The following PRDM8 variants were observed in gnomAD, a reference collection of about 807,000 sequenced individuals.
PRDM8 encodes PR domain zinc finger protein 8.
PRDM8 carries 13 observed loss-of-function variants against 46.5 expected under a neutral mutation model. The ratio of observed to expected loss-of-function variants is 0.28; its 90% CI spans 0.18 to 0.44. PRDM8 has a LOEUF of 0.44. Among genes scored for constraint, PRDM8 ranks in the 20% least tolerant of loss-of-function variants. The pLI is 1.00. For missense variants in PRDM8, 998 were observed against 955.0 expected, an observed-to-expected ratio of 1.04 and a Z score of -0.59; for synonymous variants, 473 against 438.4, an observed-to-expected ratio of 1.08 and a Z score of -0.98.
rs1737543089 is a variant in PRDM8, at chr4:80,191,506, C to T, written c.-948C>T. The T allele has an allele frequency of 2.0e-5, 3 of 152,256 alleles. No individual in the cohort carries two copies. In the South Asian group the frequency reaches 6.2e-4, roughly 32 times the overall value. 9.4% of individuals were successfully genotyped at this position (152,256 alleles called of 1,614,324 possible). ...AATCAGCCTGGGAAGCATCTTTTCG[C>T]TCAGCAAGTTCAAGAGAACAAATAT... On this transcript the variant is annotated 5_prime_UTR_variant, in exon 2 of 10. Transcript: ENST00000339711.
Position 80,203,085 on chromosome 4 carries a change from C to T in PRDM8, c.1623C>T (p.Ala541=), listed in dbSNP as rs1353391421. The change falls in exon 4 of 4, where the codon GCC becomes GCT. Residue 541 remains alanine, a synonymous_variant. Coordinates refer to ENST00000415738, the MANE Select transcript of PRDM8 (RefSeq NM_001099403.2). ...GCCCCACCAGACTCTATCCCGCCGC[C>T]GCGGACCCTCTAGCGGTGAAGCTCC... ...GVGPTRLYPA[A]ADPLAVKLQG... is the part of the protein sequence containing the mutation. The T allele has an allele frequency of 1.9e-6, 3 of 1,569,672 alleles. No individual in the cohort carries two copies. Among genetic ancestry groups the T allele is most frequent in the Non-Finnish European group, 2.6e-6 (3 of 1,167,054 alleles).
chr4:80,196,711 AG>A (rs528071663), upstream of PRDM8: 6 of 911,734 alleles, frequency 6.6e-6, no homozygotes, highest in African/African-American at 5.4e-5. Context: ...CACCAAGCAG[AG>A]GGGGGGAAAA....
At chr4:80,199,709 ATGTGTGTGTG>A (rs34334135) in intron 1 of PRDM8, among the ~76,000 whole-genome samples, 2 of 132,976 alleles carry the variant, frequency 1.5e-5, no homozygotes, top group Non-Finnish European at 3.2e-5. Flanking sequence ...ATATATATAT[ATGTGTGTGTG>A]TGTGTGTGTG....
chr4:80,195,928 C>CACACAGAGAGAGAGAGAGAGAGAGAGAG (rs373592223), upstream of PRDM8: 12 of 139,974 alleles, frequency 8.6e-5, no homozygotes, highest in Non-Finnish European at 1.4e-4. Context: ...CACACACACA[C>CACACAGAGAGAGAGAGAGAGAGAGAGAG]AGAGAGAGAG....
rs568097608 is a variant in PRDM8, at chr4:80,188,772, C to T, written c.-982-2700C>T. ...GAAAACGTAAAGCTCCCGTTCAGGG[C>T]TGCTCCTGCGCGGAAGCTGCGTGGG... On this transcript the variant is annotated intron_variant, in intron 1 of 9. Coordinates refer to the PRDM8 transcript ENST00000339711. Among the ~76,000 whole-genome samples the T allele has an allele frequency of 6.6e-5, 10 of 152,354 alleles. No individual in the cohort carries two copies. In the East Asian group the frequency reaches 1.5e-3, roughly 24 times the overall value.
upstream of PRDM8, chr4:80,196,931 T>C (rs1738005662): frequency 1.0e-6 from 1 of 985,312 alleles, no homozygotes. Flanking sequence ...AGCCAAGTTC[T>C]CACCAAAGCG....
At chr4:80,194,307 G>T, upstream of PRDM8, 1 of 799,364 alleles carries the variant, frequency 1.3e-6, no homozygotes, top group Non-Finnish European at 1.5e-6. Flanking sequence ...CTAGGGAAGA[G>T]AGCTCCAAAT....
chr4:80,197,076 T>C (rs576645437), upstream of PRDM8: 6 of 985,452 alleles, frequency 6.1e-6, no homozygotes, highest in East Asian at 6.8e-4. Flanking sequence ...TCCCTGGAGC[T>C]AACCGCACCC....
chr4:80,190,698 A>G (rs2109865339), intron 1 of PRDM8, among the ~76,000 whole-genome samples: 1 of 152,340 alleles, frequency 6.6e-6, no homozygotes, highest in South Asian at 2.1e-4. Context: ...GACAATCTAG[A>G]CATCAGGAAG....
chr4:80,194,255 C>T, upstream of PRDM8: 1 of 961,376 alleles, frequency 1.0e-6, no homozygotes, highest in Non-Finnish European at 1.2e-6. Context: ...CATACCCACT[C>T]TTCATTGTCA....
upstream of PRDM8, among the ~76,000 whole-genome samples, chr4:80,192,602 G>T (rs572956041): frequency 6.6e-6 from 1 of 152,304 alleles, no homozygotes; most frequent in Non-Finnish European, 1.5e-5. Context: ...ACTGAGATGC[G>T]TTCAAAGGGT....
chr4:80,197,789 AGG>A, intron 1 of PRDM8, 26 bp downstream of exon 1: 1 of 985,084 alleles, frequency 1.0e-6, no homozygotes, highest in Non-Finnish European at 1.2e-6. Flanking sequence ...TTGATGTGGG[AGG>A]GGGATGGGAG....
At chr4:80,198,994 G>GTTTTTTTTT (rs1310531623) in intron 1 of PRDM8, among the ~76,000 whole-genome samples, 54 of 63,414 alleles carry the variant, frequency 8.5e-4, no homozygotes, top group African/African-American at 5.2e-3. Flanking sequence ...TTTTTTTTTT[G>GTTTTTTTTT]TTTTTTTTTT....
chr4:80,202,171 C>G lies in PRDM8; in HGVS notation c.709C>G (p.Pro237Ala), dbSNP rs1465346303. The G allele has an allele frequency of 6.2e-7, 1 of 1,611,406 alleles. No homozygotes were observed. Among genetic ancestry groups the G allele is most frequent in the Non-Finnish European group, 8.5e-7 (1 of 1,179,644 alleles). The change falls in exon 4 of 4, where the codon CCA becomes GCA. Residue 237 changes from proline to alanine, a missense_variant. By Grantham distance (27) the Pro-to-Ala change is conservative. Transcript: ENST00000415738. ...FCKAGPLHHY[P>A]SPSPESSNPS... is the part of the protein sequence containing the mutation. Reference sequence around the variant, plus strand: ...CAAAGCCGGCCCCCTCCACCACTACCCATCCCCCTCCCCGGAAAGCAGCAA... The same window carrying G: ...CAAAGCCGGCCCCCTCCACCACTACGCATCCCCCTCCCCGGAAAGCAGCAA...
rs930461579 is a variant in PRDM8, at chr4:80,202,324, G to A, written c.862G>A (p.Gly288Ser). 5.0e-6 allele frequency: 8 copies of A among 1,607,304 alleles called. No homozygotes were observed. The highest frequency in any genetic ancestry group is 3.4e-5 in the Admixed American group (2 of 59,598). ...SPAQSLSSGS[G>S]SGGGGGHQEA... The stretch of plus-strand genomic sequence containing the variant: ...AGCCCAGAGCCTCAGCAGCGGTAGC[G>A]GCAGCGGCGGCGGCGGCGGCCACCA... Residue 288 changes from glycine (G) to serine (S), a missense_variant, in exon 4 of 4, where the codon GGC becomes AGC. Transcript: ENST00000415738.
chr4:80,191,199 C>A (rs1437726939), intron 1 of PRDM8, among the ~76,000 whole-genome samples: 1 of 152,172 alleles, frequency 6.6e-6, no homozygotes, highest in African/African-American at 2.4e-5. Flanking sequence ...CTGCCTTTGA[C>A]AACATTCACC....
upstream of PRDM8, among the ~76,000 whole-genome samples, chr4:80,195,533 T>G (rs1027585512): frequency 4.0e-5 from 6 of 150,458 alleles, no homozygotes; most frequent in African/African-American, 1.5e-4. Flanking sequence ...TGTGTGTGTG[T>G]AGAGAGAGAG....
upstream of PRDM8, chr4:80,196,287 G>C (rs1204303901): frequency 3.1e-6 from 3 of 978,048 alleles, no homozygotes; most frequent in African/African-American, 3.5e-5. Context: ...AAGTAGTGGT[G>C]GTGTGTGTGG....
intron 1 of PRDM8, among the ~76,000 whole-genome samples, chr4:80,187,571 C>G (rs1484656941): frequency 1.3e-5 from 2 of 152,118 alleles, no homozygotes; most frequent in Non-Finnish European, 2.9e-5. Context: ...ATACAGAGTC[C>G]AACCCTATAC....
Sources: gnomAD v4.1 joint callset for allele counts (sites outside exome capture counted in the v4.1 genomes callset) on GRCh38, gnomAD v4.1.1 for gene constraint, MANE v1.5 for transcripts, NCBI Gene and HGNC (gene_info 2026-07-23, HGNC 2026-07-21) for gene names.